TNS1: variants seen among roughly 807,000 people sequenced by gnomAD.
The protein encoded by TNS1 is tensin-1.
TNS1 carries 62 observed loss-of-function variants against 168.6 expected under a neutral mutation model. The ratio of observed to expected loss-of-function variants is 0.37; its 90% CI spans 0.30 to 0.45. The LOEUF is 0.45. TNS1 is among the 20% of genes least tolerant of loss of function. TNS1 has a pLI of 1.00. For synonymous variants in TNS1, 934 were observed against 933.2 expected (o/e 1.00, Z -0.02); for missense variants, 2,240 against 2,339.4 (o/e 0.96, Z 0.88).
intron 3 of TNS1, among the ~76,000 whole-genome samples, chr2:217,945,769 G>C (rs895494867): frequency 6.6e-6 from 1 of 152,106 alleles, no homozygotes; most frequent in African/African-American, 2.4e-5. Flanking sequence ...CTACGGCAAA[G>C]GTGACCCCAA....
At chr2:218,001,643 G>A (rs1349254762) in intron 1 of TNS1, among the ~76,000 whole-genome samples, 1 of 152,042 alleles carries the variant, frequency 6.6e-6, no homozygotes, top group Non-Finnish European at 1.5e-5. Flanking sequence ...CTGTGTGCAG[G>A]CCTCCCCAGT....
intron 4 of TNS1, among the ~76,000 whole-genome samples, chr2:217,911,279 C>G (rs978620440): frequency 6.6e-6 from 1 of 152,222 alleles, no homozygotes; most frequent in African/African-American, 2.4e-5. Flanking sequence ...GAACCTATCA[C>G]TACCTGAAAA....
intron 5 of TNS1, among the ~76,000 whole-genome samples, chr2:217,906,880 G>T (rs762472915): frequency 1.3e-5 from 2 of 152,202 alleles, no homozygotes; most frequent in Non-Finnish European, 2.9e-5. Context: ...TGTTTGGAAA[G>T]ATCCGCCTGA....
rs1277663470 is a variant in TNS1 at position 217,960,492 on chromosome 2, C to T, written c.186+18273G>A. 2.6e-5 allele frequency among the ~76,000 whole-genome samples: 4 copies of T among 152,178 alleles called. No individual in the cohort carries two copies. The East Asian group carries it at 7.7e-4, about 29-fold the overall frequency. The stretch of plus-strand genomic sequence containing the variant: ...CCAGGGGTGGATGCAGGGCAGGGGG[C>T]ATGTGAGAACAGATGTGGTCTTAGA... On this transcript the variant is annotated intron_variant, in intron 3 of 32. Coordinates refer to ENST00000682258, the MANE Select transcript of TNS1 (RefSeq NM_001387777.1).
intron 19 of TNS1, among the ~76,000 whole-genome samples, chr2:217,839,332 C>T (rs976520431): frequency 6.6e-6 from 1 of 152,128 alleles, no homozygotes; most frequent in Non-Finnish European, 1.5e-5. Context: ...CTGCTTCATA[C>T]ACGGGCATCA....
intron 1 of TNS1, among the ~76,000 whole-genome samples, chr2:218,000,985 C>G (rs1042366866): frequency 6.6e-6 from 1 of 152,104 alleles, no homozygotes; most frequent in African/African-American, 2.4e-5. Context: ...AACCCCATCT[C>G]TACTAAAAAT....
intron 3 of TNS1, among the ~76,000 whole-genome samples, chr2:217,921,852 T>C (rs912802844): frequency 6.6e-6 from 1 of 151,976 alleles, no homozygotes; most frequent in Non-Finnish European, 1.5e-5. Flanking sequence ...CCCAGTAAGG[T>C]GGGTTACTAT....
chr2:217,851,939 T>C (rs1331638377), intron 18 of TNS1, among the ~76,000 whole-genome samples: 2 of 150,974 alleles, frequency 1.3e-5, no homozygotes, highest in African/African-American at 2.4e-5. Context: ...AGGTCAGGAG[T>C]TGAAGACCAG....
chr2:217,843,065 T>C (rs1486740134), intron 19 of TNS1, among the ~76,000 whole-genome samples: 1 of 152,106 alleles, frequency 6.6e-6, no homozygotes, highest in Non-Finnish European at 1.5e-5. Flanking sequence ...CAGCACCCAT[T>C]AGAAGTTCAT....
chr2:217,880,782 C>G lies in TNS1; in HGVS notation c.1429+116G>C. 1.3e-6 allele frequency: 1 copy of G among 758,340 alleles called. No homozygotes were observed. Among genetic ancestry groups the G allele is most frequent in the Non-Finnish European group, 2.3e-6 (1 of 437,330 alleles). 47.0% of individuals were successfully genotyped at this position (758,340 alleles called of 1,614,324 possible). A position where few individuals can be genotyped will look rare whatever the true frequency, so the allele number is the denominator to read the frequency against. ...GAGCTCTCGGAGGTACCTCACACTT[C>G]CCCTCTGCCTCCTCTCGAACCCAGA... On this transcript the variant is annotated intron_variant, in intron 18 of 32. Transcript: ENST00000682258. This position sits in a 1 kb window ranked among gnomAD's most constrained non-coding sequence, Gnocchi z 4.2.
At position 217,809,604 on chromosome 2, in the gene TNS1, G is replaced by GATGC. The variant is rs878981641; in HGVS notation, c.5273+218_5273+219insGCAT. The stretch of plus-strand genomic sequence containing the variant: ...AGGTGCATGGATGGATGGATGGATG[G>GATGC]ATGGATGGGTGCATGGATGGGTGCA... On this transcript the variant is annotated intron_variant, in intron 30 of 32. Coordinates refer to ENST00000682258, the MANE Select transcript of TNS1 (RefSeq NM_001387777.1). 1.5e-3 allele frequency: 165 copies of GATGC among 111,096 alleles called. 37 individuals are homozygous for GATGC. Among genetic ancestry groups the GATGC allele is most frequent in the African/African-American group, 8.5e-3 (50 of 5,914 alleles). The allele number at this position is 111,096 out of a possible 1,614,324, so 6.9% of individuals were successfully genotyped here.
At chr2:217,853,469 C>A (rs761224691) in intron 18 of TNS1, among the ~76,000 whole-genome samples, 6 of 152,198 alleles carry the variant, frequency 3.9e-5, no homozygotes, top group Non-Finnish European at 8.8e-5. Context: ...TCACGGGTGA[C>A]AATGGAGTGG....
intron 3 of TNS1, among the ~76,000 whole-genome samples, chr2:217,921,212 C>A (rs1203010776): frequency 6.6e-6 from 1 of 152,210 alleles, no homozygotes; most frequent in Non-Finnish European, 1.5e-5. Flanking sequence ...CAGTCCTCAA[C>A]CTTGGCTCCG....
At position 217,948,675 on chromosome 2, in the gene TNS1, T is replaced by G. The variant is rs1310347764; in HGVS notation, c.187-28439A>C. On this transcript the variant is annotated intron_variant, in intron 3 of 32. Transcript: ENST00000682258. This position sits in a 1 kb window ranked among gnomAD's most constrained non-coding sequence, Gnocchi z 4.1. ...ACCCCAGAAGCCACATTCACGCTGCTGCCCTGAAGCCCCCCATCCTTGCCC... is the reference window on the plus strand; with the variant it reads ...ACCCCAGAAGCCACATTCACGCTGCGGCCCTGAAGCCCCCCATCCTTGCCC... Among the ~76,000 whole-genome samples the G allele has an allele frequency of 6.6e-6, 1 of 152,196 alleles. No homozygotes were observed. The highest frequency in any genetic ancestry group is 1.5e-5 in the Non-Finnish European group (1 of 68,038).
At chr2:217,967,270 G>A (rs893024856) in intron 3 of TNS1, among the ~76,000 whole-genome samples, 5 of 152,084 alleles carry the variant, frequency 3.3e-5, no homozygotes, top group African/African-American at 7.2e-5. Context: ...GCAGTGAGCC[G>A]AGATCAAGCC....
At chr2:217,984,395 G>A (rs1449519871) in intron 2 of TNS1, among the ~76,000 whole-genome samples, 2 of 151,976 alleles carry the variant, frequency 1.3e-5, no homozygotes, top group Non-Finnish European at 1.5e-5. Context: ...ACACAAATTC[G>A]TAAATTTCTT....
At chr2:217,943,172 G>T (rs1213079150) in intron 3 of TNS1, among the ~76,000 whole-genome samples, 1 of 152,206 alleles carries the variant, frequency 6.6e-6, no homozygotes, top group African/African-American at 2.4e-5. Context: ...TGAGGAAGGA[G>T]TAAGGGCTAG....
chr2:217,856,208 C>T (rs994175318), intron 18 of TNS1, among the ~76,000 whole-genome samples: 2 of 152,258 alleles, frequency 1.3e-5, no homozygotes, highest in Admixed American at 1.3e-4. Flanking sequence ...GGAAGCTTTG[C>T]GGCTGCGGGA....
chr2:217,851,123 AACAC>A (rs533619206), intron 18 of TNS1, among the ~76,000 whole-genome samples: 71 of 145,964 alleles, frequency 4.9e-4, no homozygotes, highest in Middle Eastern at 3.7e-3. Context: ...TCATATCACA[AACAC>A]ACACACACAC....
Sources: allele counts gnomAD v4.1 joint callset (sites outside exome capture counted in the v4.1 genomes callset), GRCh38; gene constraint gnomAD v4.1.1; non-coding constraint Gnocchi (gnomAD v3.1); transcripts MANE v1.5; gene names NCBI Gene and HGNC (gene_info 2026-07-23, HGNC 2026-07-21).